Variants in PTK2 observed in about 807,000 individuals in gnomAD.
PTK2 encodes the protein protein tyrosine kinase 2.
In PTK2, 45 loss-of-function variants were observed where a neutral mutation model predicts 150.1. The observed-to-expected ratio is 0.30, with a 90% CI of 0.24 to 0.38. The LOEUF (loss-of-function observed/expected upper bound fraction) is 0.38. Among genes scored for constraint, PTK2 ranks in the 10% least tolerant of loss-of-function variants. The pLI is 1.00. For missense variants in PTK2, 919 were observed against 1,307.3 expected, an observed-to-expected ratio of 0.70 and a Z score of 4.58; for synonymous variants, 432 against 449.2, an observed-to-expected ratio of 0.96 and a Z score of 0.48.
At chr8:140,890,169 C>T (rs1738426130) in intron 3 of PTK2, 1 of 189,774 alleles carries the variant, frequency 5.3e-6, no homozygotes, top group African/African-American at 2.4e-5. Context: ...TGAAGTCATG[C>T]AAATACCTTC....
intron 12 of PTK2, among the ~76,000 whole-genome samples, chr8:140,796,942 T>G (rs1170446724): frequency 3.3e-5 from 5 of 152,338 alleles, no homozygotes; most frequent in Middle Eastern, 3.4e-3. Context: ...AACAGCTGCA[T>G]AGTATTACAT....
chr8:140,861,176 T>C (rs753826071), intron 5 of PTK2, among the ~76,000 whole-genome samples: 1 of 151,804 alleles, frequency 6.6e-6, no homozygotes, highest in Non-Finnish European at 1.5e-5. Flanking sequence ...AAGACCCCCA[T>C]CTCTACAAAA....
chr8:140,990,626 A>T (rs2100195358), intron 1 of PTK2, among the ~76,000 whole-genome samples: 1 of 152,168 alleles, frequency 6.6e-6, no homozygotes, highest in South Asian at 2.1e-4. Context: ...TGAGCTGCAC[A>T]GTTGAGTGAA....
Position 140,959,310 on chromosome 8 carries a change from C to A in PTK2, c.-121-33561G>T, listed in dbSNP as rs185247462. On this transcript the variant is annotated intron_variant, in intron 1 of 31. Coordinates refer to ENST00000522684, the Ensembl canonical transcript of PTK2. Reference sequence around the variant, plus strand: ...CTTTGGGAGGCCAAGGAGGGCGGATCATGAGGTCAGGAGATTGAGACCATC... The same window carrying A: ...CTTTGGGAGGCCAAGGAGGGCGGATAATGAGGTCAGGAGATTGAGACCATC... 3.3e-3 allele frequency among the ~76,000 whole-genome samples: 485 copies of A among 148,874 alleles called. 2 individuals carry two copies. The highest frequency in any genetic ancestry group is 5.8e-3 in the Non-Finnish European group (388 of 67,196).
chr8:140,922,363 T>A (rs13253989), intron 2 of PTK2, among the ~76,000 whole-genome samples: 1 of 151,424 alleles, frequency 6.6e-6, no homozygotes, highest in Non-Finnish European at 1.5e-5. Context: ...CAGAAAAACA[T>A]GAGCAAGCTA....
At chr8:140,701,989 G>A (rs980407573) in intron 25 of PTK2, among the ~76,000 whole-genome samples, 38 of 151,724 alleles carry the variant, frequency 2.5e-4, no homozygotes, top group African/African-American at 5.6e-4. Context: ...TTAACTGGGC[G>A]TGGTGGCTCG....
intron 26 of PTK2, among the ~76,000 whole-genome samples, chr8:140,688,307 T>C (rs1392924215): frequency 6.6e-6 from 1 of 152,190 alleles, no homozygotes; most frequent in Non-Finnish European, 1.5e-5. Flanking sequence ...ACTCAACACA[T>C]CAGTGTTGAC....
chr8:140,677,710 T>A (rs1267836565), intron 27 of PTK2, among the ~76,000 whole-genome samples: 1 of 152,216 alleles, frequency 6.6e-6, no homozygotes, highest in Non-Finnish European at 1.5e-5. Flanking sequence ...CACCTCTGAT[T>A]TTAAAGACTT....
At chr8:140,723,119 C>T (rs569511127) in intron 22 of PTK2, among the ~76,000 whole-genome samples, 138 of 152,304 alleles carry the variant, frequency 9.1e-4, no homozygotes, top group African/African-American at 3.3e-3. Context: ...TATTCTCTGA[C>T]CCACTGAATT....
At chr8:140,938,750 A>G (rs2154608772) in intron 1 of PTK2, among the ~76,000 whole-genome samples, 1 of 152,342 alleles carries the variant, frequency 6.6e-6, no homozygotes, top group Middle Eastern at 3.4e-3. Context: ...AAAAACAGCC[A>G]TCATGATTAC....
chr8:140,954,752 G>A (rs1297395604), intron 1 of PTK2: 2 of 152,074 alleles, frequency 1.3e-5, no homozygotes, highest in Non-Finnish European at 2.9e-5. Context: ...CAGTTCAGAA[G>A]CCCACAATAA....
At chr8:140,978,273 T>C (rs1341640130) in intron 1 of PTK2, among the ~76,000 whole-genome samples, 13 of 145,518 alleles carry the variant, frequency 8.9e-5, no homozygotes, top group South Asian at 6.6e-4. Context: ...TCTAATTAAA[T>C]TAAAGAGCTT....
intron 8 of PTK2, among the ~76,000 whole-genome samples, chr8:140,830,178 T>G (rs2100114527): frequency 6.6e-6 from 1 of 152,202 alleles, no homozygotes; most frequent in South Asian, 2.1e-4. Flanking sequence ...GTCAAAATAT[T>G]TTAGCCTGTG....
Position 140,770,805 on chromosome 8 carries a change from T to C in PTK2, c.1178-6515A>G, listed in dbSNP as rs746969735. The C allele has an allele frequency of 2.3e-6, 3 of 1,294,546 alleles. No individual in the cohort carries two copies. Among genetic ancestry groups the C allele is most frequent in the South Asian group, 2.6e-5 (2 of 77,320 alleles). 80.2% of individuals were successfully genotyped at this position (1,294,546 alleles called of 1,614,324 possible). A position where few individuals can be genotyped will look rare whatever the true frequency, so the allele number is the denominator to read the frequency against. On this transcript the variant is annotated intron_variant, in intron 14 of 31. Coordinates refer to ENST00000522684, the Ensembl canonical transcript of PTK2. ...ATGTTGGCAGTGACTGACTCCTTTATAAAGAGGCAAGAGGGGAAAGAGAAA... is the reference window on the plus strand; with the variant it reads ...ATGTTGGCAGTGACTGACTCCTTTACAAAGAGGCAAGAGGGGAAAGAGAAA...
At position 140,768,481 on chromosome 8, in the gene PTK2, C is replaced by T. The variant is rs572030735; in HGVS notation, c.1178-4191G>A. On this transcript the variant is annotated intron_variant, in intron 14 of 31. Transcript: ENST00000522684. ...CCAGATGAAGACCCAAGAGATGAAGCAATTTGCTTGTAATCCCTCAGCTAG... is the reference window on the plus strand; with the variant it reads ...CCAGATGAAGACCCAAGAGATGAAGTAATTTGCTTGTAATCCCTCAGCTAG... 6.7e-4 allele frequency among the ~76,000 whole-genome samples: 102 copies of T among 152,298 alleles called. 1 individual carries two copies. The highest frequency in any genetic ancestry group is 3.8e-3 in the Admixed American group (58 of 15,298).
At chr8:140,821,309 G>C (rs1205084907) in intron 8 of PTK2, 2 of 152,256 alleles carry the variant, frequency 1.3e-5, no homozygotes, top group Non-Finnish European at 2.9e-5. Flanking sequence ...AGAAAGACCA[G>C]TCAGGTCACT....
rs2090638680 is a variant in PTK2, at chr8:140,665,765, T to TA, written c.2866-769dup. On this transcript the variant is annotated intron_variant, in intron 30 of 31. Coordinates refer to ENST00000522684, the Ensembl canonical transcript of PTK2. ...CGTCATTTGGCCAAAGTAAAACGGT[T>TA]AAAAAAATAGTGTCTATAAAATCAC... Among the ~76,000 whole-genome samples the TA allele has an allele frequency of 3.3e-5, 5 of 152,218 alleles. No individual in the cohort carries two copies. In the South Asian group the frequency reaches 1.0e-3, roughly 32 times the overall value.
chr8:140,761,545 CTATT>C (rs1261007131), intron 15 of PTK2, among the ~76,000 whole-genome samples: 2 of 151,972 alleles, frequency 1.3e-5, no homozygotes, highest in Non-Finnish European at 2.9e-5. Context: ...TATTTTATAT[CTATT>C]TGATAGTTTT....
intron 2 of PTK2, among the ~76,000 whole-genome samples, chr8:140,899,904 C>T (rs1033372881): frequency 3.9e-5 from 6 of 152,154 alleles, no homozygotes; most frequent in Admixed American, 3.9e-4. Context: ...AATTCAACAT[C>T]TCTTCATGAT....
Sources: gnomAD v4.1 joint callset for allele counts (sites outside exome capture counted in the v4.1 genomes callset) on GRCh38, gnomAD v4.1.1 for gene constraint, MANE v1.5 for transcripts, NCBI Gene and HGNC (gene_info 2026-07-23, HGNC 2026-07-21) for gene names.